Variants in ZNF600 observed in about 807,000 individuals in gnomAD.
ZNF600 encodes the protein zinc finger protein 600, also known as zinc finger protein KR-ZNF1.
In ZNF600, 4 loss-of-function variants were observed where a neutral mutation model predicts 7.3. That is an observed-to-expected ratio of 0.55 (90% CI 0.27 to 1.25). The LOEUF (loss-of-function observed/expected upper bound fraction) is 1.25, where lower values mean the gene tolerates loss of function less well. Ranked by LOEUF, ZNF600 falls within the 50% of genes most tolerant of loss-of-function variation. The pLI, the probability that ZNF600 is intolerant of heterozygous loss-of-function variation, is 0.12. For missense variants in ZNF600, 911 were observed against 922.1 expected (o/e 0.99, Z 0.16); for synonymous variants, 290 against 308.9 (o/e 0.94, Z 0.64).
At chr19:52,810,307 G>A in the ZNF600 span, 28 of 1,562,102 alleles carry the variant, frequency 1.8e-5, no homozygotes, top group South Asian at 3.3e-5. Context: ...GCTGATGCCC[G>A]TTCCATCAAT....
chr19:52,765,713 C>G (rs1600367879), exon 4 of ZNF600: 1 of 1,613,380 alleles, frequency 6.2e-7, no homozygotes, highest in East Asian at 2.2e-5. Flanking sequence ...TATGTTGTTT[C>G]AGGTGTGAAT....
chr19:52,817,685 G>GACCCTC, the ZNF600 span, among the ~76,000 whole-genome samples: 1 of 151,976 alleles, frequency 6.6e-6, no homozygotes, highest in African/African-American at 2.4e-5. Context: ...GACACCACGG[G>GACCCTC]ACCCTCACCC....
chr19:52,811,732 CCGG>C, the ZNF600 span, among the ~76,000 whole-genome samples: 1 of 150,042 alleles, frequency 6.7e-6, no homozygotes, highest in African/African-American at 2.5e-5. Context: ...GCGTCTCCGC[CCGG>C]CAGCCGCCCC....
exon 4 of ZNF600, chr19:52,766,341 C>T: frequency 4.3e-6 from 7 of 1,614,180 alleles, no homozygotes; most frequent in Middle Eastern, 3.3e-4. Flanking sequence ...ACAAACCTTA[C>T]ATTTGTATGG....
At chr19:52,813,533 T>C in the ZNF600 span, among the ~76,000 whole-genome samples, 3 of 138,814 alleles carry the variant, frequency 2.2e-5, no homozygotes, top group Admixed American at 2.2e-4. Flanking sequence ...CACCAGACTG[T>C]TCGGCTTGTC....
the ZNF600 span, among the ~76,000 whole-genome samples, chr19:52,812,993 G>C: frequency 6.6e-6 from 1 of 151,234 alleles, no homozygotes; most frequent in African/African-American, 2.4e-5. Context: ...TAGTAATAAA[G>C]TTAAACTAAA....
chr19:52,830,455 C>T, the ZNF600 span, among the ~76,000 whole-genome samples: 1 of 151,982 alleles, frequency 6.6e-6, no homozygotes, highest in African/African-American at 2.4e-5. Context: ...GCACAATAGT[C>T]CACCAAGAAA....
At chr19:52,784,115 A>G (rs1339597665) in intron 1 of ZNF600, among the ~76,000 whole-genome samples, 2 of 152,194 alleles carry the variant, frequency 1.3e-5, no homozygotes, top group Non-Finnish European at 2.9e-5. Context: ...TAGGCCCGGC[A>G]TGGCGGCTCA....
chr19:52,786,847 G>T, upstream of ZNF600: 1 of 270,202 alleles, frequency 3.7e-6, no homozygotes, highest in South Asian at 3.0e-5. Context: ...CGGGGCCCCA[G>T]GCGGAGAGAC....
the ZNF600 span, among the ~76,000 whole-genome samples, chr19:52,801,897 A>C: frequency 6.6e-6 from 1 of 152,230 alleles, no homozygotes; most frequent in African/African-American, 2.4e-5. Flanking sequence ...CAATTCCATG[A>C]AAGTCTATTT....
At chr19:52,785,746 T>C (rs10416542) in intron 1 of ZNF600, among the ~76,000 whole-genome samples, 28,624 of 151,990 alleles carry the variant, frequency 0.19, 2,944 homozygotes, top group African/African-American at 0.27. Context: ...CTCCATCTGT[T>C]CTTGCCACCA....
At chr19:52,795,817 T>C in the ZNF600 span, among the ~76,000 whole-genome samples, 1 of 151,570 alleles carries the variant, frequency 6.6e-6, no homozygotes, top group Non-Finnish European at 1.5e-5. Context: ...CCGCCTGTTG[T>C]GGCCTCCCAA....
the ZNF600 span, among the ~76,000 whole-genome samples, chr19:52,793,691 C>T: frequency 7.5e-5 from 11 of 147,302 alleles, no homozygotes; most frequent in African/African-American, 2.6e-4. Context: ...CGCTTGAACC[C>T]GGAAGAAGGA....
chr19:52,819,189 C>G, the ZNF600 span, among the ~76,000 whole-genome samples: 2 of 137,026 alleles, frequency 1.5e-5, no homozygotes, highest in Non-Finnish European at 3.1e-5. Context: ...GGAGGCTGGA[C>G]ACTGGCAGGG....
chr19:52,799,127 AT>A, the ZNF600 span: 2 of 411,248 alleles, frequency 4.9e-6, no homozygotes, highest in East Asian at 1.2e-4. Context: ...TATGAAGACT[AT>A]GATGACTTGC....
chr19:52,767,859 A>ACTT, intron 3 of ZNF600, 87 bp from the exon 6 acceptor site: 2 of 1,450,978 alleles, frequency 1.4e-6, no homozygotes, highest in Middle Eastern at 3.7e-4. Context: ...AAAAAACAAT[A>ACTT]CTTATTTTGA....
chr19:52,767,910 G>A (rs1466840835), intron 3 of ZNF600, 138 bp from the exon 6 acceptor site: 6 of 1,275,148 alleles, frequency 4.7e-6, no homozygotes, highest in Non-Finnish European at 5.2e-6. Context: ...AACACAAAAG[G>A]AGTAAGATTC....
the ZNF600 span, among the ~76,000 whole-genome samples, chr19:52,831,366 G>A: frequency 2.0e-5 from 3 of 152,076 alleles, no homozygotes; most frequent in Non-Finnish European, 4.4e-5. Flanking sequence ...CTGGAGTGCA[G>A]TGGTGTGATC....
chr19:52,775,387 T>C (rs1410203449), intron 2 of ZNF600, among the ~76,000 whole-genome samples: 1 of 151,836 alleles, frequency 6.6e-6, no homozygotes, highest in Non-Finnish European at 1.5e-5. Context: ...ATGTCTCTAC[T>C]AAAAATACAA....
Sources: allele counts gnomAD v4.1 joint callset (sites outside exome capture counted in the v4.1 genomes callset), GRCh38; gene constraint gnomAD v4.1.1; transcripts MANE v1.5; gene names NCBI Gene and HGNC (gene_info 2026-07-23, HGNC 2026-07-21).